The following INSYN2A variants were observed in gnomAD, a reference collection of about 807,000 sequenced individuals.
The protein encoded by INSYN2A is family with sequence similarity 196 member A.
A neutral mutation model predicts 39.4 loss-of-function variants in INSYN2A; 17 were observed. The observed-to-expected ratio is 0.43, with a 90% CI of 0.30 to 0.65. INSYN2A has a LOEUF of 0.65. Among genes scored for constraint, INSYN2A ranks in the 30% least tolerant of loss-of-function variants. The pLI is 0.14. For synonymous variants in INSYN2A, 255 were observed against 265.7 expected, an observed-to-expected ratio of 0.96 and a Z score of 0.39; for missense variants, 595 against 631.2, an observed-to-expected ratio of 0.94 and a Z score of 0.61.
intron 5 of INSYN2A, chr10:127,145,970 G>T (rs754129726): frequency 5.8e-6 from 3 of 514,278 alleles, no homozygotes; most frequent in South Asian, 1.4e-5. Context: ...CTGTGAGGAA[G>T]AACCTGCCCT....
intron 4 of INSYN2A, among the ~76,000 whole-genome samples, chr10:127,157,767 G>A (rs2053223012): frequency 6.6e-6 from 1 of 152,194 alleles, no homozygotes; most frequent in Non-Finnish European, 1.5e-5. Flanking sequence ...TACCATGAAG[G>A]TGAGGTTTTG....
At position 127,142,840 on chromosome 10, in the gene INSYN2A, C is replaced by T. The variant is rs552259800; in HGVS notation, c.1257-4820G>A. Among the ~76,000 whole-genome samples the T allele has an allele frequency of 3.3e-5, 5 of 152,278 alleles. No homozygotes were observed. The South Asian group carries it at 1.0e-3, about 32-fold the overall frequency. On this transcript the variant is annotated intron_variant, in intron 5 of 5. Coordinates refer to ENST00000522781, the MANE Select transcript of INSYN2A (RefSeq NM_001039762.3). ...AAGCAACTGAGAGTAGATTTAATTT[C>T]TTGGTTGGTCTTTCCCTTTTCAAAA... is the stretch of plus-strand genomic sequence containing the variant.
intron 5 of INSYN2A, among the ~76,000 whole-genome samples, chr10:127,148,030 CAAAAAA>C (rs57503481): frequency 1.6e-5 from 1 of 63,274 alleles, no homozygotes; most frequent in Non-Finnish European, 3.3e-5. Context: ...GACTCTGTCT[CAAAAAA>C]AAAAAAAAAA....
At chr10:127,172,934 G>A (rs1464334230) in intron 4 of INSYN2A, among the ~76,000 whole-genome samples, 1 of 152,216 alleles carries the variant, frequency 6.6e-6, no homozygotes, top group South Asian at 2.1e-4. Flanking sequence ...TGACTGCTGT[G>A]ACTGTGAAGT....
At chr10:127,189,453 T>C (rs2056557716) in intron 2 of INSYN2A, among the ~76,000 whole-genome samples, 1 of 152,240 alleles carries the variant, frequency 6.6e-6, no homozygotes, top group African/African-American at 2.4e-5. Context: ...AGCCTCACCC[T>C]GGGTGTTTTT....
chr10:127,154,715 C>T (rs983602703), intron 4 of INSYN2A, among the ~76,000 whole-genome samples: 4 of 152,096 alleles, frequency 2.6e-5, no homozygotes, highest in African/African-American at 4.8e-5. Flanking sequence ...CCCCTGAGGC[C>T]GGGCAGATTT....
intron 1 of INSYN2A, among the ~76,000 whole-genome samples, chr10:127,195,282 C>G (rs1228846118): frequency 6.6e-6 from 1 of 152,158 alleles, no homozygotes; most frequent in Non-Finnish European, 1.5e-5. Context: ...CCCTCCTGCC[C>G]TCGCCCGCCA....
intron 4 of INSYN2A, among the ~76,000 whole-genome samples, chr10:127,162,694 A>G (rs1050496856): frequency 6.6e-6 from 1 of 152,160 alleles, no homozygotes; most frequent in African/African-American, 2.4e-5. Flanking sequence ...AAGCCTAGTT[A>G]TTTCTACTTA....
chr10:127,145,481 T>G (rs528554142), intron 5 of INSYN2A, among the ~76,000 whole-genome samples: 1 of 152,164 alleles, frequency 6.6e-6, no homozygotes, highest in Admixed American at 6.5e-5. Context: ...TTTCCAACTT[T>G]TGACAGAAAC....
chr10:127,176,275 G>A lies in INSYN2A; in HGVS notation c.121C>T (p.Arg41Trp), dbSNP rs749004305. Residue 41 changes from arginine to tryptophan, a missense_variant, in exon 4 of 6, where the codon CGG (arginine) becomes TGG (tryptophan). By Grantham distance (101) the Arg-to-Trp change is moderately radical. Around this residue, in one of 2 missense-constraint regions of INSYN2A, gnomAD observed 478 missense variants for 467.4 expected, o/e 1.02. Coordinates refer to ENST00000522781, the MANE Select transcript of INSYN2A (RefSeq NM_001039762.3). This position sits in a 1 kb window ranked among gnomAD's most constrained non-coding sequence, Gnocchi z 4.4. The part of the protein sequence containing the change: ...ALDPNRQIKK[R>W]NKALQVRFKD... ...AACCGCACCTGCAGGGCTTTGTTCC[G>A]TTTTTTAATCTGCCGGTTGGGGTCC... 4.6e-5 allele frequency: 74 copies of A among 1,613,960 alleles called. No homozygotes were observed. Among genetic ancestry groups the A allele is most frequent in the South Asian group, 1.4e-4 (13 of 91,078 alleles).
rs755223872 is a variant in INSYN2A at position 127,176,356 on chromosome 10, ACGT to A, written c.37_39del (p.Thr13del). 19 of 1,613,270 alleles carry A rather than the reference ACGT, an allele frequency of 1.2e-5. No individual in the cohort carries two copies. The South Asian group carries it at 1.8e-4, about 15-fold the overall frequency. ...GCGGCGGGTTCCACTTCACTCTCCGACGTTGTGAGTATGCATTTGCCGGTGTCC... is the reference window on the plus strand; with the variant it reads ...GCGGCGGGTTCCACTTCACTCTCCGATGTGAGTATGCATTTGCCGGTGTCC... On this transcript the variant is annotated inframe_deletion, in exon 4 of 6. Transcript: ENST00000522781. The surrounding 1 kb of genome is among the most constrained non-coding windows in gnomAD (Gnocchi z 4.4).
intron 4 of INSYN2A, among the ~76,000 whole-genome samples, chr10:127,170,717 T>C (rs549337198): frequency 6.6e-6 from 1 of 152,286 alleles, no homozygotes; most frequent in East Asian, 1.9e-4. Context: ...TAATAATTGA[T>C]TGGGTTTTTT....
At chr10:127,145,396 T>A (rs2051714799) in intron 5 of INSYN2A, among the ~76,000 whole-genome samples, 1 of 152,186 alleles carries the variant, frequency 6.6e-6, no homozygotes, top group South Asian at 2.1e-4. Flanking sequence ...GTCATGATAA[T>A]CAGAGGAGTC....
chr10:127,147,811 T>A (rs1455583721), intron 5 of INSYN2A, among the ~76,000 whole-genome samples: 2 of 151,402 alleles, frequency 1.3e-5, no homozygotes, highest in Non-Finnish European at 2.9e-5. Context: ...GGCGGGTGGA[T>A]CATGAGGTCA....
intron 2 of INSYN2A, among the ~76,000 whole-genome samples, chr10:127,188,268 T>C (rs2056458625): frequency 6.6e-6 from 1 of 152,208 alleles, no homozygotes; most frequent in African/African-American, 2.4e-5. Context: ...TGGCCAGTTA[T>C]TGTCATGGAT....
At chr10:127,144,455 T>C in intron 5 of INSYN2A, among the ~76,000 whole-genome samples, 1 of 152,194 alleles carries the variant, frequency 6.6e-6, no homozygotes, top group East Asian at 1.9e-4. Context: ...AATTCATCTT[T>C]TGTCTGCAGT....
rs77436070 is a variant in INSYN2A, at chr10:127,170,584, C to T, written c.1184+4628G>A. ...AAATCTAAGAGGCAAAGAGCGCTGT[C>T]GGGGTTGCCACACTGTAGTTGCTGG... On this transcript the variant is annotated intron_variant, in intron 4 of 5. Coordinates refer to ENST00000522781, the MANE Select transcript of INSYN2A (RefSeq NM_001039762.3). Among the ~76,000 whole-genome samples the T allele has an allele frequency of 8.8e-3, 1,343 of 152,296 alleles. 26 individuals carry two copies. Among genetic ancestry groups the T allele is most frequent in the African/African-American group, 0.03 (1,263 of 41,562 alleles).
At chr10:127,148,901 G>A (rs960692792) in intron 5 of INSYN2A, among the ~76,000 whole-genome samples, 8 of 152,138 alleles carry the variant, frequency 5.3e-5, no homozygotes, top group African/African-American at 1.9e-4. Flanking sequence ...CAACCGAAGG[G>A]ATGTCTGTCA....
Position 127,135,546 on chromosome 10 carries a change from C to CAGA in INSYN2A, c.*2290_*2291insTCT, listed in dbSNP as rs1363042246. On this transcript the variant is annotated 3_prime_UTR_variant, in exon 6 of 6. Coordinates refer to ENST00000522781, the MANE Select transcript of INSYN2A (RefSeq NM_001039762.3). ...CATAAGGGAACCCTGTGCGTTTTACCTTGCTTTTGTATCAGCGTTTTTACT... is the reference window on the plus strand; with the variant it reads ...CATAAGGGAACCCTGTGCGTTTTACCAGATTGCTTTTGTATCAGCGTTTTTACT... 6.6e-6 allele frequency: 1 copy of CAGA among 152,526 alleles called. No individual in the cohort carries two copies. Among genetic ancestry groups the CAGA allele is most frequent in the Non-Finnish European group, 1.5e-5 (1 of 68,020 alleles). The allele number at this position is 152,526 out of a possible 1,614,324, so 9.4% of individuals were successfully genotyped here.
Sources: allele counts gnomAD v4.1 joint callset (sites outside exome capture counted in the v4.1 genomes callset), GRCh38; gene constraint gnomAD v4.1.1; regional missense constraint gnomAD v4.1.1; non-coding constraint Gnocchi (gnomAD v3.1); transcripts MANE v1.5; gene names NCBI Gene and HGNC (gene_info 2026-07-23, HGNC 2026-07-21).